DCDC1: variants seen among roughly 807,000 people sequenced by gnomAD.
DCDC1 encodes the protein doublecortin domain containing 1, also known as doublecortin domain-containing protein 1.
DCDC1 carries 200 observed loss-of-function variants against 178.3 expected under a neutral mutation model. The ratio of observed to expected loss-of-function variants is 1.12; its 90% CI spans 1.00 to 1.26. The LOEUF is 1.26. Ranked by LOEUF, DCDC1 falls within the 50% of genes most tolerant of loss-of-function variation. DCDC1 has a pLI of 0.00. For missense variants in DCDC1, 1,983 were observed against 1,749.2 expected, an observed-to-expected ratio of 1.13 and a Z score of -2.38; for synonymous variants, 690 against 604.8, an observed-to-expected ratio of 1.14 and a Z score of -2.07.
At chr11:30,876,709 T>C (rs1942160021) in intron 38 of DCDC1, among the ~76,000 whole-genome samples, 1 of 152,182 alleles carries the variant, frequency 6.6e-6, no homozygotes, top group African/African-American at 2.4e-5. Context: ...GGTGAAATTA[T>C]GCCATTTTCA....
intron 8 of DCDC1, among the ~76,000 whole-genome samples, chr11:31,242,090 A>C (rs1977226158): frequency 6.6e-6 from 1 of 151,972 alleles, no homozygotes; most frequent in African/African-American, 2.4e-5. Context: ...AAACCATCCT[A>C]TTTCATGATT....
intron 20 of DCDC1, among the ~76,000 whole-genome samples, chr11:31,022,335 T>C (rs559319255): frequency 1.3e-5 from 2 of 152,280 alleles, no homozygotes; most frequent in East Asian, 3.9e-4. Context: ...GTATGTTCCC[T>C]TTGTGTGTAT....
At position 30,911,382 on chromosome 11, in the gene DCDC1, GC is replaced by G; in HGVS notation, c.3691del (p.Ala1231GlnfsTer4). The G allele has an allele frequency of 6.2e-7, 1 of 1,604,998 alleles. No homozygotes were observed. The highest frequency in any genetic ancestry group is 8.5e-7 in the Non-Finnish European group (1 of 1,175,658). On this transcript the variant is annotated frameshift_variant, in exon 28 of 39. Transcript: ENST00000684477. LOFTEE classifies it high-confidence loss of function. ...HLVSNPDLVL[A>X]VSMTKTRNEV... ...ATTTCTAGTCTTGGTCATAGACACT[GC>G]CAGCACAAGGTCAGGGTTACTCACA...
At chr11:31,064,965 CA>C in intron 19 of DCDC1, 53 bp downstream of exon 19, 1 of 662,918 alleles carries the variant, frequency 1.5e-6, no homozygotes, top group Non-Finnish European at 2.7e-6. Context: ...TTTCTTTTTT[CA>C]AAATATATTT....
chr11:30,881,769 A>G (rs1462038986), intron 36 of DCDC1, among the ~76,000 whole-genome samples: 1 of 152,176 alleles, frequency 6.6e-6, no homozygotes, highest in Non-Finnish European at 1.5e-5. Context: ...ATTTTGGTCT[A>G]AGACTTCACT....
chr11:31,328,178 C>A lies in DCDC1; in HGVS notation c.103G>T (p.Gly35Cys). The A allele has an allele frequency of 6.2e-7, 1 of 1,611,940 alleles. No individual in the cohort carries two copies. Among genetic ancestry groups the A allele is most frequent in the African/African-American group, 1.3e-5 (1 of 75,002 alleles). The change falls in exon 3 of 39, where the codon GGC becomes TGC. Residue 35 changes from glycine to cysteine, a missense_variant. Gly to Cys is a radical substitution (Grantham distance 159, BLOSUM62 -3). Transcript: ENST00000684477. Reference protein sequence around the residue: ...MEVLQQSSPEGTLDGNTVNPI... With the variant: ...MEVLQQSSPECTLDGNTVNPI... ...TTTACAGTATTCCCATCCAAAGTGC[C>A]TTCAGGGCTACTTTGCTGTAATACT...
chr11:31,033,232 G>A (rs1953784750), intron 20 of DCDC1, among the ~76,000 whole-genome samples: 1 of 152,034 alleles, frequency 6.6e-6, no homozygotes, highest in Non-Finnish European at 1.5e-5. Flanking sequence ...TTAAACCTTG[G>A]TCAAAAGAAA....
intron 4 of DCDC1, 179 bp downstream of exon 4, chr11:31,307,460 A>T: frequency 2.8e-6 from 2 of 705,218 alleles, no homozygotes; most frequent in Non-Finnish European, 2.3e-6. Context: ...TATTTCCCAC[A>T]GTGTAATTAA....
At chr11:30,946,102 A>G (rs1948035508) in intron 21 of DCDC1, among the ~76,000 whole-genome samples, 1 of 152,164 alleles carries the variant, frequency 6.6e-6, no homozygotes, top group Admixed American at 6.5e-5. Flanking sequence ...TAAATCATAT[A>G]CCATTGGGAA....
chr11:31,267,484 G>A (rs1261410028), intron 7 of DCDC1, among the ~76,000 whole-genome samples: 1 of 152,168 alleles, frequency 6.6e-6, no homozygotes, highest in Non-Finnish European at 1.5e-5. Flanking sequence ...GAGCCATCAC[G>A]CCCAGCCAGG....
At chr11:31,324,665 G>A (rs1254375964) in intron 3 of DCDC1, among the ~76,000 whole-genome samples, 1 of 151,994 alleles carries the variant, frequency 6.6e-6, no homozygotes, top group Non-Finnish European at 1.5e-5. Flanking sequence ...CTCATTCCAC[G>A]GTGGGAATCG....
At chr11:30,912,981 C>T (rs1945549326) in intron 27 of DCDC1, among the ~76,000 whole-genome samples, 1 of 152,144 alleles carries the variant, frequency 6.6e-6, no homozygotes, top group Non-Finnish European at 1.5e-5. Context: ...GTTTTAAAAG[C>T]CACCCATCCA....
chr11:31,211,901 T>G (rs1972581503), intron 9 of DCDC1, among the ~76,000 whole-genome samples: 1 of 151,980 alleles, frequency 6.6e-6, no homozygotes, highest in Admixed American at 6.6e-5. Context: ...GCTAACACGG[T>G]GAAACTCCGT....
At chr11:31,017,214 G>A (rs1161785889) in intron 20 of DCDC1, among the ~76,000 whole-genome samples, 1 of 152,074 alleles carries the variant, frequency 6.6e-6, no homozygotes, top group African/African-American at 2.4e-5. Flanking sequence ...AGCTTTGAGG[G>A]TCCACTTACA....
intron 15 of DCDC1, among the ~76,000 whole-genome samples, chr11:31,098,650 G>A (rs1056687871): frequency 4.6e-5 from 7 of 152,116 alleles, no homozygotes; most frequent in African/African-American, 1.7e-4. Context: ...CTACCCCAAT[G>A]AGCAGCAAGA....
At chr11:31,360,260 G>A (rs1398800859) in intron 1 of DCDC1, among the ~76,000 whole-genome samples, 2 of 152,102 alleles carry the variant, frequency 1.3e-5, no homozygotes, top group East Asian at 3.9e-4. Context: ...ACATACCGAG[G>A]TATGGATAGC....
intron 22 of DCDC1, among the ~76,000 whole-genome samples, chr11:30,927,658 G>C (rs769079511): frequency 3.9e-5 from 6 of 152,068 alleles, no homozygotes; most frequent in Non-Finnish European, 7.4e-5. Flanking sequence ...AAAGTAGAAG[G>C]TACCAACAAC....
intron 9 of DCDC1, among the ~76,000 whole-genome samples, chr11:31,227,382 C>CA (rs1003729540): frequency 6.6e-6 from 1 of 152,014 alleles, no homozygotes; most frequent in Non-Finnish European, 1.5e-5. Flanking sequence ...AACCAGGTCT[C>CA]ACGTGAACCA....
chr11:31,185,690 T>C (rs953086090), intron 9 of DCDC1, among the ~76,000 whole-genome samples: 5 of 152,204 alleles, frequency 3.3e-5, no homozygotes, highest in African/African-American at 9.6e-5. Context: ...ATCACAAAGT[T>C]ATATCCCACA....
Sources: allele counts gnomAD v4.1 joint callset (sites outside exome capture counted in the v4.1 genomes callset), GRCh38; gene constraint gnomAD v4.1.1; transcripts MANE v1.5; gene names NCBI Gene and HGNC (gene_info 2026-07-23, HGNC 2026-07-21).